The following IFNAR1 variants were observed in gnomAD, a reference collection of about 807,000 sequenced individuals.
The protein encoded by IFNAR1 is interferon alpha/beta receptor 1.
A neutral mutation model predicts 62.1 loss-of-function variants in IFNAR1; 47 were observed. The observed-to-expected ratio is 0.76, with a 90% CI of 0.60 to 0.97. The LOEUF (loss-of-function observed/expected upper bound fraction) is 0.97, where lower values mean the gene tolerates loss of function less well. Ranked by LOEUF, IFNAR1 falls within the 50% of genes least tolerant of loss-of-function variation. IFNAR1 has a pLI of 0.00. For missense variants in IFNAR1, 638 were observed against 654.5 expected, an observed-to-expected ratio of 0.97 and a Z score of 0.27; for synonymous variants, 219 against 226.9, an observed-to-expected ratio of 0.97 and a Z score of 0.31.
At chr21:33,335,172 A>G (rs1358222638) in intron 1 of IFNAR1, 2 of 549,980 alleles carry the variant, frequency 3.6e-6, no homozygotes, top group Non-Finnish European at 6.7e-6. Context: ...TGTGAAATCA[A>G]ATTGAGGCCA....
chr21:33,345,898 A>G lies in IFNAR1; in HGVS notation c.788+538A>G, dbSNP rs17875821. Among the ~76,000 whole-genome samples the G allele has an allele frequency of 2.8e-3, 426 of 152,368 alleles. 4 individuals carry two copies. Among genetic ancestry groups the G allele is most frequent in the African/African-American group, 9.6e-3 (401 of 41,596 alleles). On this transcript the variant is annotated intron_variant, in intron 6 of 10. Coordinates refer to ENST00000270139, the MANE Select transcript of IFNAR1 (RefSeq NM_000629.3). Reference sequence around the variant, plus strand: ...GTGGTTGAGCAGAGGCTAGCTAAACATGGATGAAGTCCAGGCGCTGCATAA... The same window carrying G: ...GTGGTTGAGCAGAGGCTAGCTAAACGTGGATGAAGTCCAGGCGCTGCATAA...
chr21:33,357,188 T>A lies in IFNAR1; in HGVS notation c.*1639T>A, dbSNP rs888545493. The A allele has an allele frequency of 6.6e-6, 1 of 152,264 alleles. No individual in the cohort carries two copies. The highest frequency in any genetic ancestry group is 6.5e-5 in the Admixed American group (1 of 15,284). 9.4% of individuals were successfully genotyped at this position (152,264 alleles called of 1,614,324 possible). A position where few individuals can be genotyped will look rare whatever the true frequency, so the allele number is the denominator to read the frequency against. On this transcript the variant is annotated 3_prime_UTR_variant, in exon 11 of 11. Coordinates refer to ENST00000270139, the MANE Select transcript of IFNAR1 (RefSeq NM_000629.3). ...ACAGCACCGTTCCGACAGGGACCAG[T>A]GAAAGAAAAGAGACAAAGTTAGAAC...
At chr21:33,345,943 G>GTGCAGTGGC (rs2083341399) in intron 6 of IFNAR1, among the ~76,000 whole-genome samples, 1 of 152,222 alleles carries the variant, frequency 6.6e-6, no homozygotes, top group African/African-American at 2.4e-5. Flanking sequence ...AACTGGCCTG[G>GTGCAGTGGC]TGCAGTGGCG....
At chr21:33,332,918 G>A (rs2083195627) in intron 1 of IFNAR1, among the ~76,000 whole-genome samples, 1 of 152,200 alleles carries the variant, frequency 6.6e-6, no homozygotes, top group Non-Finnish European at 1.5e-5. Flanking sequence ...GAAAAGGTAA[G>A]AGGCATATAC....
intron 3 of IFNAR1, among the ~76,000 whole-genome samples, chr21:33,341,822 C>A (rs1221242195): frequency 1.3e-5 from 2 of 152,032 alleles, no homozygotes; most frequent in East Asian, 3.9e-4. Context: ...CCTGGGATTA[C>A]CAGCATGCAT....
At chr21:33,327,122 G>A (rs935447972) in intron 1 of IFNAR1, among the ~76,000 whole-genome samples, 7 of 152,164 alleles carry the variant, frequency 4.6e-5, no homozygotes, top group African/African-American at 1.7e-4. Flanking sequence ...TTCCTAGGAT[G>A]TGGGTACTAG....
At position 33,355,434 on chromosome 21, in the gene IFNAR1, C is replaced by T; in HGVS notation, c.1559C>T (p.Thr520Ile). Residue 520 changes from threonine (T) to isoleucine (I), a missense_variant, in exon 11 of 11, where the codon ACT becomes ATT. Thr to Ile is a moderately conservative substitution (Grantham distance 89). Coordinates refer to ENST00000270139, the MANE Select transcript of IFNAR1 (RefSeq NM_000629.3). ...GCTACAGTAGAAGAAACTAATCAAA[C>T]TGATGAAGATCATAAAAAATACAGT... ...TIATVEETNQ[T>I]DEDHKKYSSQ... The T allele has an allele frequency of 2.5e-6, 4 of 1,595,278 alleles. No individual in the cohort carries two copies. The South Asian group carries it at 4.5e-5, about 18-fold the overall frequency.
In IFNAR1 at chr21:33,349,042, A is replaced by G. The variant is rs2834196; in HGVS notation, c.789-49A>G. The G allele has an allele frequency of 0.24, 287,787 of 1,191,842 alleles. 37,343 individuals carry two copies. The highest frequency in any genetic ancestry group is 0.27 in the Non-Finnish European group (224,505 of 830,104). 73.8% of individuals were successfully genotyped at this position (1,191,842 alleles called of 1,614,324 possible). ...CCCTAACATAGTGTCTGGCAATTGT[A>G]AATACTTAATAAATATCTAATGAAT... On this transcript the variant is annotated intron_variant, in intron 6 of 10. Coordinates refer to ENST00000270139, the MANE Select transcript of IFNAR1 (RefSeq NM_000629.3).
At chr21:33,330,124 C>T (rs558939841) in intron 1 of IFNAR1, among the ~76,000 whole-genome samples, 5 of 152,258 alleles carry the variant, frequency 3.3e-5, no homozygotes, top group South Asian at 2.1e-4. Context: ...CAGCTGTGCA[C>T]GTTATTAGAG....
chr21:33,325,149 G>C lies in IFNAR1; in HGVS notation c.76+18G>C, dbSNP rs773560819. The C allele has an allele frequency of 2.5e-6, 4 of 1,604,376 alleles. No individual in the cohort carries two copies. The highest frequency in any genetic ancestry group is 3.4e-6 in the Non-Finnish European group (4 of 1,176,248). On this transcript the variant is annotated intron_variant, in intron 1 of 10. Coordinates refer to ENST00000270139, the MANE Select transcript of IFNAR1 (RefSeq NM_000629.3). ...AGCCGCAGGTGAGAGGCGGGGAGGA[G>C]AGTCTTGGCGCAGGGCGGGAGGTAG... is the stretch of plus-strand genomic sequence containing the variant.
chr21:33,337,670 CTATA>C (rs576303409), intron 2 of IFNAR1, among the ~76,000 whole-genome samples: 13 of 48,660 alleles, frequency 2.7e-4, no homozygotes, highest in Non-Finnish European at 4.8e-4. Context: ...ATACATTACA[CTATA>C]TATAATACAT....
intron 10 of IFNAR1, among the ~76,000 whole-genome samples, chr21:33,354,155 C>G (rs1485418042): frequency 6.6e-6 from 1 of 152,076 alleles, no homozygotes; most frequent in Non-Finnish European, 1.5e-5. Context: ...CCAGCCTGGT[C>G]AACATGGAGA....
intron 10 of IFNAR1, among the ~76,000 whole-genome samples, chr21:33,354,883 T>C (rs1186688561): frequency 6.6e-6 from 1 of 152,206 alleles, no homozygotes; most frequent in Non-Finnish European, 1.5e-5. Flanking sequence ...GTAATATTCA[T>C]AGCTATTATT....
At chr21:33,353,562 C>T (rs1417217455) in intron 9 of IFNAR1, 76 bp from the exon 10 acceptor site, 3 of 771,722 alleles carry the variant, frequency 3.9e-6, no homozygotes, top group Admixed American at 5.8e-5. Context: ...TATGGCTAGT[C>T]TTTCACACAG....
chr21:33,341,424 C>A (rs1424167467), intron 3 of IFNAR1, among the ~76,000 whole-genome samples: 1 of 152,198 alleles, frequency 6.6e-6, no homozygotes, highest in Non-Finnish European at 1.5e-5. Context: ...TATGACAAAT[C>A]TAAGACTTAG....
Position 33,350,600 on chromosome 21 carries a change from TAC to T in IFNAR1, c.1143+1058_1143+1059del, listed in dbSNP as rs138412758. ...AGATAATATATACCGTCAGATAATATACGTGTTTCCCAGATCACTTCCCCCTC... is the reference window on the plus strand; with the variant it reads ...AGATAATATATACCGTCAGATAATATGTGTTTCCCAGATCACTTCCCCCTC... On this transcript the variant is annotated intron_variant, in intron 8 of 10. Transcript: ENST00000270139. 5.2e-3 allele frequency among the ~76,000 whole-genome samples: 793 copies of T among 152,312 alleles called. 15 individuals carry two copies. In the East Asian group the frequency reaches 0.07, roughly 14 times the overall value.
chr21:33,337,838 T>G (rs1201461314), intron 2 of IFNAR1, among the ~76,000 whole-genome samples: 2 of 145,778 alleles, frequency 1.4e-5, no homozygotes, highest in African/African-American at 2.5e-5. Flanking sequence ...AATTGATCAT[T>G]TAAAATTTTT....
intron 9 of IFNAR1, 42 bp downstream of exon 9, chr21:33,352,950 A>G: frequency 3.5e-6 from 5 of 1,448,200 alleles, no homozygotes; most frequent in East Asian, 4.6e-5. Flanking sequence ...GTAGCTAGAC[A>G]TAATAAAAGT....
chr21:33,345,212 G>T, intron 5 of IFNAR1, 34 bp from the exon 6 acceptor site: 1 of 1,011,986 alleles, frequency 9.9e-7, no homozygotes, highest in Non-Finnish European at 1.6e-6. Flanking sequence ...GAGTAAAAAT[G>T]TGTGCTTTTT....
Sources: allele counts gnomAD v4.1 joint callset (sites outside exome capture counted in the v4.1 genomes callset), GRCh38; gene constraint gnomAD v4.1.1; transcripts MANE v1.5; gene names NCBI Gene and HGNC (gene_info 2026-07-23, HGNC 2026-07-21).